TSGA10: variants seen among roughly 807,000 people sequenced by gnomAD.
TSGA10 encodes testis specific 10, also known as testis-specific gene 10 protein.
In TSGA10, 43 loss-of-function variants were observed where a neutral mutation model predicts 96.6. The ratio of observed to expected loss-of-function variants is 0.44; its 90% confidence interval spans 0.35 to 0.57. The LOEUF (loss-of-function observed/expected upper bound fraction) is 0.57, where lower values mean the gene tolerates loss of function less well. Ranked by LOEUF, TSGA10 falls within the 20% of genes least tolerant of loss-of-function variation. The pLI is 0.01. For synonymous variants in TSGA10, 229 were observed against 269.9 expected, an observed-to-expected ratio of 0.85 and a Z score of 1.48; for missense variants, 703 against 834.4, an observed-to-expected ratio of 0.84 and a Z score of 1.94.
chr2:99,084,293 T>C (rs2087955456), intron 10 of TSGA10, among the ~76,000 whole-genome samples: 1 of 152,174 alleles, frequency 6.6e-6, no homozygotes, highest in South Asian at 2.1e-4. Flanking sequence ...TGATTTCCAA[T>C]GTTGGAAGTG....
At chr2:99,126,635 G>C (rs1412938412) in intron 2 of TSGA10, 1 of 158,718 alleles carries the variant, frequency 6.3e-6, no homozygotes, top group Admixed American at 6.3e-5. Context: ...AGGAGAACAG[G>C]AACAATACTG....
At chr2:99,080,768 A>G (rs1289475078) in intron 11 of TSGA10, among the ~76,000 whole-genome samples, 2 of 152,180 alleles carry the variant, frequency 1.3e-5, no homozygotes, top group African/African-American at 4.8e-5. Flanking sequence ...TGTAAGATTA[A>G]GTTAGGACCA....
At chr2:99,104,245 A>AC in intron 9 of TSGA10, 127 bp from the exon 10 acceptor site, 1 of 1,051,328 alleles carries the variant, frequency 9.5e-7, no homozygotes, top group South Asian at 1.7e-5. Flanking sequence ...ATCAGGTTAG[A>AC]CCTGACTGCT....
chr2:99,035,550 G>T, intron 16 of TSGA10, 111 bp from the exon 17 acceptor site: 1 of 625,912 alleles, frequency 1.6e-6, no homozygotes, highest in Non-Finnish European at 2.6e-6. Flanking sequence ...CACTTAGATT[G>T]TATGAAGTTT....
At chr2:99,017,268 C>A (rs1257084382) in intron 20 of TSGA10, among the ~76,000 whole-genome samples, 1 of 152,126 alleles carries the variant, frequency 6.6e-6, no homozygotes, top group Non-Finnish European at 1.5e-5. Flanking sequence ...TGCCCATTGA[C>A]CAACAAGTGG....
At chr2:99,110,061 A>G (rs924801520) in intron 5 of TSGA10, among the ~76,000 whole-genome samples, 1 of 152,150 alleles carries the variant, frequency 6.6e-6, no homozygotes, top group Non-Finnish European at 1.5e-5. Context: ...GCTATTTGGG[A>G]GGTTGAGGCA....
At chr2:99,040,032 T>C (rs2082039122) in intron 16 of TSGA10, among the ~76,000 whole-genome samples, 1 of 152,128 alleles carries the variant, frequency 6.6e-6, no homozygotes. Context: ...CATGATCATC[T>C]CCATAGATGC....
At chr2:99,097,217 G>A (rs1224612590) in intron 10 of TSGA10, among the ~76,000 whole-genome samples, 4 of 151,834 alleles carry the variant, frequency 2.6e-5, no homozygotes, top group African/African-American at 7.3e-5. Flanking sequence ...ACCTGAATCT[G>A]AAAATATATA....
In TSGA10 at chr2:99,068,810, G is replaced by A. The variant is rs563847270; in HGVS notation, c.1218+78C>T. The A allele has an allele frequency of 1.0e-4, 64 of 631,900 alleles. No individual in the cohort carries two copies. In the South Asian group the frequency reaches 2.6e-3, roughly 26 times the overall value. The allele number at this position is 631,900 out of a possible 1,614,324, so 39.1% of individuals were successfully genotyped here. On this transcript the variant is annotated intron_variant, in intron 15 of 20. Coordinates refer to ENST00000393483, the MANE Select transcript of TSGA10 (RefSeq NM_025244.4). The stretch of plus-strand genomic sequence containing the variant: ...TAAAGAAAGCTTTGATTCACCTGTC[G>A]TTCTGAGTATACCAACTTCTAAATT...
At position 99,046,811 on chromosome 2, in the gene TSGA10, C is replaced by T. The variant is rs574059292; in HGVS notation, c.1405-11372G>A. On this transcript the variant is annotated intron_variant, in intron 16 of 20. Transcript: ENST00000393483. ...TGGTTTTTTGAAAAGATCAACAAAACTGATAGACCACTAGCAAGACTAATA... is the reference window on the plus strand; with the variant it reads ...TGGTTTTTTGAAAAGATCAACAAAATTGATAGACCACTAGCAAGACTAATA... Among the ~76,000 whole-genome samples the T allele has an allele frequency of 7.9e-4, 120 of 151,922 alleles. 1 individual carries two copies. The highest frequency in any genetic ancestry group is 6.8e-3 in the Middle Eastern group (2 of 294).
At position 99,071,877 on chromosome 2, in the gene TSGA10, A is replaced by G; in HGVS notation, c.939-3T>C. 2 of 1,608,122 alleles carry G rather than the reference A, an allele frequency of 1.2e-6. No homozygotes were observed. Among genetic ancestry groups the G allele is most frequent in the Non-Finnish European group, 1.7e-6 (2 of 1,177,802 alleles). ...CAATTAGGGCCTCAGTACACTGTCT[A>G]TTCCACAAATCAAAGAGTACATAAG... On this transcript the variant is annotated splice_polypyrimidine_tract_variant and splice_region_variant and intron_variant, in intron 13 of 20. Transcript: ENST00000393483.
chr2:99,018,673 T>C, intron 18 of TSGA10, 33 bp from the exon 19 acceptor site: 1 of 1,559,100 alleles, frequency 6.4e-7, no homozygotes, highest in Non-Finnish European at 8.7e-7. Flanking sequence ...TATAGTTGAC[T>C]AAACTTAAAA....
intron 7 of TSGA10, 52 bp from the exon 8 acceptor site, chr2:99,105,749 A>G: frequency 6.7e-7 from 1 of 1,494,864 alleles, no homozygotes; most frequent in South Asian, 1.4e-5. Context: ...ACACATAAAC[A>G]TAAAAAATTT....
intron 1 of TSGA10, chr2:99,147,439 G>A (rs2093643606): frequency 1.2e-6 from 2 of 1,612,890 alleles, no homozygotes; most frequent in South Asian, 2.2e-5. Context: ...CCAGTCCAAA[G>A]AGGCCCCCAA....
At chr2:99,006,611 G>A (rs1035476755) in intron 20 of TSGA10, among the ~76,000 whole-genome samples, 2 of 152,190 alleles carry the variant, frequency 1.3e-5, no homozygotes, top group African/African-American at 2.4e-5. Context: ...TCTCACACCA[G>A]TTATAATGGC....
intron 16 of TSGA10, among the ~76,000 whole-genome samples, chr2:99,047,857 A>C (rs1054905443): frequency 6.6e-6 from 1 of 152,256 alleles, no homozygotes; most frequent in Non-Finnish European, 1.5e-5. Flanking sequence ...TAAGCTGATA[A>C]GCAACTTCAG....
chr2:99,125,691 A>G (rs1393745312), intron 2 of TSGA10: 1 of 152,170 alleles, frequency 6.6e-6, no homozygotes, highest in Non-Finnish European at 1.5e-5. Context: ...ACATTGCCTT[A>G]TTTCTGTTAG....
At chr2:99,130,257 G>A (rs184180313) in intron 1 of TSGA10, among the ~76,000 whole-genome samples, 1 of 152,182 alleles carries the variant, frequency 6.6e-6, no homozygotes, top group Non-Finnish European at 1.5e-5. Flanking sequence ...CAGTGTAAAA[G>A]CGTTCCTATT....
intron 16 of TSGA10, 146 bp from the exon 17 acceptor site, chr2:99,035,585 G>T: frequency 2.3e-6 from 1 of 438,376 alleles, no homozygotes; most frequent in Non-Finnish European, 3.9e-6. Flanking sequence ...GTAACAATAT[G>T]TACAAAACAG....
Sources: allele counts gnomAD v4.1 joint callset (sites outside exome capture counted in the v4.1 genomes callset), GRCh38; gene constraint gnomAD v4.1.1; transcripts MANE v1.5; gene names NCBI Gene and HGNC (gene_info 2026-07-23, HGNC 2026-07-21).